Variants in UBAP2 observed in about 807,000 individuals in gnomAD.
UBAP2 encodes the protein ubiquitin-associated protein 2.
Under a neutral mutation model 139.6 loss-of-function variants are expected in UBAP2, and 75 were observed. That is an observed-to-expected ratio of 0.54 (90% CI 0.45 to 0.65). The LOEUF is 0.65. Among genes scored for constraint, UBAP2 ranks in the 30% least tolerant of loss-of-function variants. The pLI, the probability that UBAP2 is intolerant of heterozygous loss-of-function variation, is 0.00. For synonymous variants in UBAP2, 526 were observed against 526.2 expected (o/e 1.00, Z 0.01); for missense variants, 1,368 against 1,369.6 (o/e 1.00, Z 0.02).
chr9:33,943,537 T>C lies in UBAP2; in HGVS notation c.1598A>G (p.Asn533Ser). 4.3e-6 allele frequency: 7 copies of C among 1,614,172 alleles called. No homozygotes were observed. In the South Asian group the frequency reaches 7.7e-5, roughly 18 times the overall value. ...MPGSADVTGL[N>S]VQFGALEFGS... ...AAATTCCAGAGCCCCAAACTGCACA[T>C]TTAATCCTGTGACATCTGCTGAACC... is the stretch of plus-strand genomic sequence containing the variant. The change falls in exon 15 of 29, where the codon AAT (asparagine) becomes AGT (serine). Residue 533 changes from asparagine to serine, a missense_variant. Transcript: ENST00000379238.
At chr9:33,946,963 T>A (rs1825698113) in intron 13 of UBAP2, among the ~76,000 whole-genome samples, 1 of 152,200 alleles carries the variant, frequency 6.6e-6, no homozygotes, top group Admixed American at 6.5e-5. Context: ...GGTATGTACT[T>A]GGCAAAGGGT....
intron 6 of UBAP2, among the ~76,000 whole-genome samples, chr9:33,982,040 C>T (rs1820811182): frequency 6.6e-6 from 1 of 152,048 alleles, no homozygotes; most frequent in African/African-American, 2.4e-5. Context: ...TTGCTCCTTC[C>T]CCTATGATCA....
chr9:33,944,287 A>G, intron 14 of UBAP2, 78 bp downstream of exon 14: 1 of 1,560,146 alleles, frequency 6.4e-7, no homozygotes, highest in Non-Finnish European at 8.7e-7. Flanking sequence ...CCCAGTTTCC[A>G]AAACTTAGTA....
At chr9:34,019,669 T>A (rs1049746503) in intron 1 of UBAP2, among the ~76,000 whole-genome samples, 1 of 145,372 alleles carries the variant, frequency 6.9e-6, no homozygotes, top group Admixed American at 7.3e-5. Context: ...CAATAAACTT[T>A]ATGTTATGTA....
intron 8 of UBAP2, among the ~76,000 whole-genome samples, chr9:33,970,677 C>T (rs774524981): frequency 1.3e-5 from 2 of 152,158 alleles, no homozygotes; most frequent in African/African-American, 4.8e-5. Flanking sequence ...AGTGATCCTC[C>T]CGCCTTGGCC....
intron 19 of UBAP2, among the ~76,000 whole-genome samples, chr9:33,931,562 G>A (rs1372264967): frequency 6.6e-6 from 1 of 152,186 alleles, no homozygotes; most frequent in Non-Finnish European, 1.5e-5. Context: ...AGGGGCAGAG[G>A]GACAGGCAGA....
intron 8 of UBAP2, among the ~76,000 whole-genome samples, chr9:33,964,731 GA>G (rs1021440091): frequency 6.7e-5 from 10 of 149,784 alleles, no homozygotes; most frequent in African/African-American, 1.7e-4. Context: ...AAAGAAGCAA[GA>G]AAAAAAAACA....
chr9:34,026,808 C>T (rs1052260752), intron 1 of UBAP2, among the ~76,000 whole-genome samples: 5 of 152,196 alleles, frequency 3.3e-5, no homozygotes, highest in Admixed American at 2.0e-4. Context: ...AGTATTCAAA[C>T]CCAGGACATT....
At chr9:33,943,246 G>A (rs532467906) in intron 15 of UBAP2, among the ~76,000 whole-genome samples, 174 bp downstream of exon 15, 1 of 152,300 alleles carries the variant, frequency 6.6e-6, no homozygotes, top group Non-Finnish European at 1.5e-5. Flanking sequence ...TTGCTAAGGG[G>A]CAGGGCAATG....
At chr9:34,021,665 G>A (rs1437473946) in intron 1 of UBAP2, among the ~76,000 whole-genome samples, 5 of 141,028 alleles carry the variant, frequency 3.5e-5, no homozygotes, top group Admixed American at 1.5e-4. Context: ...ACGGAGGCTC[G>A]CTCCATCACC....
chr9:34,003,166 T>A (rs1822873369), intron 2 of UBAP2, among the ~76,000 whole-genome samples: 2 of 150,358 alleles, frequency 1.3e-5, no homozygotes, highest in African/African-American at 4.9e-5. Context: ...ATTCTCATGC[T>A]TGGGACTACA....
At chr9:33,934,975 A>C (rs1356309641) in intron 17 of UBAP2, among the ~76,000 whole-genome samples, 1 of 152,180 alleles carries the variant, frequency 6.6e-6, no homozygotes, top group Non-Finnish European at 1.5e-5. Flanking sequence ...CGGTCTGCTT[A>C]AGTTCAATAT....
intron 3 of UBAP2, 92 bp downstream of exon 3, chr9:33,998,695 T>C: frequency 8.3e-7 from 1 of 1,203,204 alleles, no homozygotes; most frequent in South Asian, 1.4e-5. Flanking sequence ...CTAGAAGTAA[T>C]ACTTTAAAAC....
At chr9:33,992,270 C>G (rs1036078557) in intron 4 of UBAP2, among the ~76,000 whole-genome samples, 1 of 151,796 alleles carries the variant, frequency 6.6e-6, no homozygotes, top group Admixed American at 6.6e-5. Flanking sequence ...TTCCTGTAAT[C>G]CCAGCTACTC....
intron 1 of UBAP2, among the ~76,000 whole-genome samples, chr9:34,027,871 AAAAAG>A (rs1398853669): frequency 6.7e-6 from 1 of 149,522 alleles, no homozygotes; most frequent in Admixed American, 6.7e-5. Context: ...CAAAAAAAAA[AAAAAG>A]AAAAGAAAAG....
intron 6 of UBAP2, among the ~76,000 whole-genome samples, chr9:33,980,604 AAGTACAT>A (rs1377260839): frequency 6.6e-6 from 1 of 152,050 alleles, no homozygotes; most frequent in Non-Finnish European, 1.5e-5. Context: ...GATCTATGTC[AAGTACAT>A]TAAGTATATT....
In UBAP2 at chr9:33,996,036, G is replaced by A. The variant is rs372777943; in HGVS notation, c.288+187C>T. 7.9e-6 allele frequency: 4 copies of A among 505,666 alleles called. No homozygotes were observed. In the South Asian group the frequency reaches 8.6e-5, roughly 11 times the overall value. 31.3% of individuals were successfully genotyped at this position (505,666 alleles called of 1,614,324 possible). On this transcript the variant is annotated intron_variant, in intron 4 of 28. Coordinates refer to ENST00000379238, the MANE Select transcript of UBAP2 (RefSeq NM_001370062.2). ...TCTCTTTCAAGTCATCAGATTCTACGACTTCATGAAGAAACCATACATAAC... is the reference window on the plus strand; with the variant it reads ...TCTCTTTCAAGTCATCAGATTCTACAACTTCATGAAGAAACCATACATAAC...
chr9:34,008,743 G>C (rs981040762), intron 2 of UBAP2, among the ~76,000 whole-genome samples: 2 of 151,874 alleles, frequency 1.3e-5, no homozygotes, highest in African/African-American at 4.8e-5. Flanking sequence ...GAGGCAGGCG[G>C]ATCACAAGGT....
chr9:34,003,554 C>T (rs1034723580), intron 2 of UBAP2, among the ~76,000 whole-genome samples: 1 of 151,338 alleles, frequency 6.6e-6, no homozygotes, highest in African/African-American at 2.4e-5. Flanking sequence ...TACAGGTGTT[C>T]GCCACCACAC....
Sources: allele counts gnomAD v4.1 joint callset (sites outside exome capture counted in the v4.1 genomes callset), GRCh38; gene constraint gnomAD v4.1.1; transcripts MANE v1.5; gene names NCBI Gene and HGNC (gene_info 2026-07-23, HGNC 2026-07-21).